The following ZNF280D variants were observed in gnomAD, a reference collection of about 807,000 sequenced individuals.
ZNF280D encodes the protein zinc finger protein 280D, also known as suppressor of hairy wing homolog 4.
A neutral mutation model predicts 94.7 loss-of-function variants in ZNF280D; 39 were observed. The ratio of observed to expected loss-of-function variants is 0.41; its 90% CI spans 0.32 to 0.54. ZNF280D has a LOEUF of 0.54. Among genes scored for constraint, ZNF280D ranks in the 20% least tolerant of loss-of-function variants. ZNF280D has a pLI of 0.22. For synonymous variants in ZNF280D, 398 were observed against 377.6 expected (o/e 1.05, Z -0.63); for missense variants, 1,090 against 1,149.3 (o/e 0.95, Z 0.75).
rs765222990 is a variant in ZNF280D, at chr15:56,689,118, C to T, written c.703G>A (p.Gly235Arg). Residue 235 changes from glycine (G) to arginine (R), a missense_variant, in exon 9 of 22, where the codon GGA becomes AGA. This residue lies in a region of ZNF280D where 386 missense variants were observed against 372.0 expected (regional missense o/e 1.04). Transcript: ENST00000267807. Reference protein sequence around the residue: ...TNTSSNQSKNGTPFPRACPKC... With the variant: ...TNTSSNQSKNRTPFPRACPKC... ...GGACAAGCTCTTGGAAAAGGTGTTC[C>T]ATTTTTAGACTGATTTGATGAGGTA... The T allele has an allele frequency of 1.2e-6, 2 of 1,609,732 alleles. No homozygotes were observed. The highest frequency in any genetic ancestry group is 2.2e-5 in the East Asian group (1 of 44,598).
intron 9 of ZNF280D, among the ~76,000 whole-genome samples, 167 bp from the exon 10 acceptor site, chr15:56,682,644 T>C (rs2055710109): frequency 1.3e-5 from 2 of 152,028 alleles, no homozygotes; most frequent in Non-Finnish European, 2.9e-5. Flanking sequence ...GTACATAGTC[T>C]AAAAATTCAA....
intron 9 of ZNF280D, 120 bp from the exon 10 acceptor site, chr15:56,682,597 T>C: frequency 1.6e-6 from 1 of 616,292 alleles, no homozygotes; most frequent in South Asian, 2.9e-5. Flanking sequence ...GCTTGTAATA[T>C]ATCTAGAAAA....
intron 16 of ZNF280D, among the ~76,000 whole-genome samples, chr15:56,663,644 CAT>C (rs2054102682): frequency 6.6e-6 from 1 of 152,106 alleles, no homozygotes. Context: ...CTTTTAGTTC[CAT>C]ATGACACTAA....
chr15:56,634,389 C>G (rs1410053687), intron 21 of ZNF280D, among the ~76,000 whole-genome samples: 3 of 152,090 alleles, frequency 2.0e-5, no homozygotes, highest in Non-Finnish European at 2.9e-5. Flanking sequence ...ACAGAGATGA[C>G]CAGTCCGCAT....
chr15:56,667,110 G>A, intron 14 of ZNF280D, 124 bp from the exon 15 acceptor site: 2 of 639,192 alleles, frequency 3.1e-6, no homozygotes, highest in South Asian at 6.0e-5. Flanking sequence ...CTACAATCAG[G>A]TAAGTCTCCC....
intron 1 of ZNF280D, among the ~76,000 whole-genome samples, chr15:56,707,900 T>C (rs925832408): frequency 6.6e-6 from 1 of 151,852 alleles, no homozygotes; most frequent in Non-Finnish European, 1.5e-5. Flanking sequence ...CAATCTAGTA[T>C]GTCAATAATT....
intron 19 of ZNF280D, among the ~76,000 whole-genome samples, chr15:56,652,257 T>A (rs1435608546): frequency 6.6e-6 from 1 of 152,156 alleles, no homozygotes; most frequent in Non-Finnish European, 1.5e-5. Context: ...GGCCTGCCTA[T>A]CCTTATGGCT....
chr15:56,701,242 T>A lies in ZNF280D; in HGVS notation c.176-4A>T, dbSNP rs376375485. 6.7e-6 allele frequency: 10 copies of A among 1,482,492 alleles called. No individual in the cohort carries two copies. The highest frequency in any genetic ancestry group is 4.2e-5 in the African/African-American group (3 of 71,358). 91.8% of individuals were successfully genotyped at this position (1,482,492 alleles called of 1,614,324 possible). A position where few individuals can be genotyped will look rare whatever the true frequency, so the allele number is the denominator to read the frequency against. ...GGGTTAACTCTGTTCAAAATATCTA[T>A]AAAAGATTATATTTATTTTAAAATA... On this transcript the variant is annotated splice_polypyrimidine_tract_variant and splice_region_variant and intron_variant, in intron 4 of 21. Coordinates refer to ENST00000267807, the MANE Select transcript of ZNF280D (RefSeq NM_017661.4).
rs571717936 is a variant in ZNF280D at position 56,701,199 on chromosome 15, C to T, written c.215G>A (p.Gly72Glu). ...NRVNPSSYSR[G>E]LKNGALSRGI... ...TCGACTGAGTGCACCATTCTTTAGT[C>T]CCCTTGAATATGAGCTGGGGTTAAC... The change falls in exon 5 of 22, where the codon GGA becomes GAA. Residue 72 changes from glycine (G) to glutamate (E), a missense_variant. By Grantham distance (98) the Gly-to-Glu change is moderately conservative (BLOSUM62 -2). This residue lies in a region of ZNF280D where 386 missense variants were observed against 372.0 expected (regional missense o/e 1.04). Transcript: ENST00000267807. The T allele has an allele frequency of 4.4e-6, 7 of 1,588,992 alleles. No homozygotes were observed. In the South Asian group the frequency reaches 6.8e-5, roughly 15 times the overall value.
intron 1 of ZNF280D, among the ~76,000 whole-genome samples, chr15:56,713,924 T>C (rs1003850584): frequency 2.6e-5 from 4 of 152,162 alleles, no homozygotes; most frequent in Non-Finnish European, 5.9e-5. Flanking sequence ...ATCTGTGTGA[T>C]AGAAAATGTA....
At chr15:56,703,922 C>T (rs1389685395) in intron 4 of ZNF280D, among the ~76,000 whole-genome samples, 199 bp downstream of exon 4, 1 of 152,024 alleles carries the variant, frequency 6.6e-6, no homozygotes, top group African/African-American at 2.4e-5. Context: ...CAGAAGACCT[C>T]CAGGGTCACC....
Position 56,666,819 on chromosome 15 carries a change from G to A in ZNF280D, c.1713C>T (p.Asn571=), listed in dbSNP as rs141387666. ...GCTTACTTGTATTAGGTTTACTTGCGTTGGATTTGACTGTATTAGGTTTAC... is the reference window on the plus strand; with the variant it reads ...GCTTACTTGTATTAGGTTTACTTGCATTGGATTTGACTGTATTAGGTTTAC... ...NTSKPNTVKS[N]ASKPNTSKPN... is the part of the protein sequence containing the mutation. Residue 571 remains asparagine (N), a synonymous_variant, in exon 15 of 22, where the codon AAC becomes AAT. Transcript: ENST00000267807. 136 of 1,613,764 alleles carry A rather than the reference G, an allele frequency of 8.4e-5. No homozygotes were observed. Among genetic ancestry groups the A allele is most frequent in the African/African-American group, 1.2e-4 (9 of 74,978 alleles).
At chr15:56,697,238 G>A (rs1349032363) in intron 6 of ZNF280D, among the ~76,000 whole-genome samples, 1 of 151,724 alleles carries the variant, frequency 6.6e-6, no homozygotes, top group African/African-American at 2.4e-5. Context: ...AGGCTGGAGT[G>A]CAGTGGCAGG....
At chr15:56,700,688 G>C (rs2057009490) in intron 6 of ZNF280D, 1 of 1,423,594 alleles carries the variant, frequency 7.0e-7, no homozygotes, top group African/African-American at 1.4e-5. Context: ...TGATAGTATA[G>C]TTTTCATTAC....
At chr15:56,715,451 G>A (rs957130353) in intron 1 of ZNF280D, among the ~76,000 whole-genome samples, 2 of 152,050 alleles carry the variant, frequency 1.3e-5, no homozygotes, top group East Asian at 3.9e-4. Flanking sequence ...GTGGTTAAGG[G>A]ATAAGAAGGG....
intron 12 of ZNF280D, among the ~76,000 whole-genome samples, 179 bp downstream of exon 12, chr15:56,677,395 G>A (rs2055304054): frequency 6.6e-6 from 1 of 152,100 alleles, no homozygotes. Context: ...GTCCAGTACA[G>A]AGATAAGCAA....
At chr15:56,668,445 C>T (rs2054446730) in intron 14 of ZNF280D, among the ~76,000 whole-genome samples, 1 of 152,056 alleles carries the variant, frequency 6.6e-6, no homozygotes, top group Non-Finnish European at 1.5e-5. Context: ...GGCACTGTAC[C>T]AGATGCTGGG....
chr15:56,652,109 T>C (rs1300881510), intron 19 of ZNF280D, among the ~76,000 whole-genome samples: 1 of 151,782 alleles, frequency 6.6e-6, no homozygotes, highest in Non-Finnish European at 1.5e-5. Context: ...GCGGAGATTT[T>C]GGAAAACCTT....
intron 1 of ZNF280D, chr15:56,732,704 G>C (rs1057155398): frequency 1.3e-5 from 2 of 152,038 alleles, no homozygotes; most frequent in Non-Finnish European, 2.9e-5. Context: ...CTCTCCAGCA[G>C]ATTTCTCCTT....
Sources: allele counts gnomAD v4.1 joint callset (sites outside exome capture counted in the v4.1 genomes callset), GRCh38; gene constraint gnomAD v4.1.1; regional missense constraint gnomAD v4.1.1; transcripts MANE v1.5; gene names NCBI Gene and HGNC (gene_info 2026-07-23, HGNC 2026-07-21).